GRID2: variants seen among roughly 807,000 people sequenced by gnomAD.
The protein encoded by GRID2 is glutamate receptor ionotropic, delta-2.
A neutral mutation model predicts 114.8 loss-of-function variants in GRID2; 33 were observed. The observed-to-expected ratio is 0.29, with a 90% CI of 0.22 to 0.38. GRID2 has a LOEUF of 0.38. Ranked by LOEUF, GRID2 falls within the 10% of genes least tolerant of loss-of-function variation. The probability of loss-of-function intolerance (pLI) is 1.00; values close to 1 mark genes in which losing one functional copy is unlikely to be tolerated. For synonymous variants in GRID2, 505 were observed against 449.9 expected, an observed-to-expected ratio of 1.12 and a Z score of -1.55; for missense variants, 1,184 against 1,257.7, an observed-to-expected ratio of 0.94 and a Z score of 0.89.
At chr4:92,983,615 A>T (rs539154479) in intron 2 of GRID2, among the ~76,000 whole-genome samples, 1 of 152,258 alleles carries the variant, frequency 6.6e-6, no homozygotes, top group Admixed American at 6.5e-5. Context: ...TTAGTCTCAT[A>T]AGCAAGAAGG....
chr4:92,812,589 C>G (rs1560606776), intron 2 of GRID2, among the ~76,000 whole-genome samples: 1 of 151,816 alleles, frequency 6.6e-6, no homozygotes, highest in East Asian at 1.9e-4. Context: ...GCATAATACC[C>G]CTGTTTTAAT....
intron 2 of GRID2, among the ~76,000 whole-genome samples, chr4:92,595,812 C>T (rs1560479211): frequency 6.6e-6 from 1 of 152,040 alleles, no homozygotes; most frequent in South Asian, 2.1e-4. Context: ...GGAAAAAGCA[C>T]ATCTCCAAAA....
intron 8 of GRID2, among the ~76,000 whole-genome samples, chr4:93,303,741 T>A (rs1456503745): frequency 8.6e-5 from 13 of 150,644 alleles, no homozygotes. Context: ...CAATCCATTC[T>A]ACCATCCATC....
At chr4:92,587,851 G>A (rs542386449) in intron 1 of GRID2, among the ~76,000 whole-genome samples, 2 of 152,252 alleles carry the variant, frequency 1.3e-5, no homozygotes, top group African/African-American at 2.4e-5. Context: ...CATCAAAAAT[G>A]TATTACCAAT....
chr4:92,374,659 G>C (rs1729273130), intron 1 of GRID2, among the ~76,000 whole-genome samples: 1 of 152,128 alleles, frequency 6.6e-6, no homozygotes, highest in Admixed American at 6.6e-5. Flanking sequence ...GGAATAATTT[G>C]ATGATTTTGA....
chr4:92,325,999 G>A (rs756065842), intron 1 of GRID2, among the ~76,000 whole-genome samples: 3 of 151,582 alleles, frequency 2.0e-5, no homozygotes, highest in Non-Finnish European at 4.4e-5. Context: ...CCATGTTTAT[G>A]TAAGATAATT....
chr4:93,012,444 C>CACCTGTACAACAGA (rs1722273214), intron 2 of GRID2, among the ~76,000 whole-genome samples: 1 of 152,006 alleles, frequency 6.6e-6, no homozygotes, highest in Admixed American at 6.6e-5. Flanking sequence ...TCTATGAAAA[C>CACCTGTACAACAGA]ACCTGTACAA....
intron 1 of GRID2, among the ~76,000 whole-genome samples, chr4:92,355,516 A>G (rs1184134930): frequency 2.0e-5 from 3 of 151,864 alleles, no homozygotes; most frequent in Non-Finnish European, 4.4e-5. Flanking sequence ...CTATGAAGAA[A>G]AAAAGGTCAT....
chr4:93,176,797 C>T (rs1739383545), intron 4 of GRID2, among the ~76,000 whole-genome samples: 1 of 152,118 alleles, frequency 6.6e-6, no homozygotes, highest in African/African-American at 2.4e-5. Flanking sequence ...CGTATTTTAC[C>T]TTTGCCTCTA....
At chr4:92,668,385 T>A (rs967955634) in intron 2 of GRID2, among the ~76,000 whole-genome samples, 10 of 151,794 alleles carry the variant, frequency 6.6e-5, no homozygotes. Context: ...TAAGCTACTA[T>A]ACACTGTGAT....
At chr4:92,340,757 A>T (rs1323726982) in intron 1 of GRID2, among the ~76,000 whole-genome samples, 1 of 152,162 alleles carries the variant, frequency 6.6e-6, no homozygotes, top group Non-Finnish European at 1.5e-5. Flanking sequence ...TTACTTATTC[A>T]CTACCATATT....
chr4:92,678,751 G>A (rs888348294), intron 2 of GRID2, among the ~76,000 whole-genome samples: 4 of 151,746 alleles, frequency 2.6e-5, no homozygotes, highest in South Asian at 2.1e-4. Context: ...TTTATGAAAC[G>A]TTTGCTATGT....
chr4:92,569,720 A>T lies in GRID2; in HGVS notation c.89-20411A>T, dbSNP rs115615473. ...TTTGATTTGTATTTCTCTAATAATC[A>T]GTGGGGTTGATCTTTTTTCATGTTT... On this transcript the variant is annotated intron_variant, in intron 1 of 15. Transcript: ENST00000282020. 2.9e-3 allele frequency among the ~76,000 whole-genome samples: 442 copies of T among 152,188 alleles called. 1 individual carries two copies. Among genetic ancestry groups the T allele is most frequent in the Middle Eastern group, 0.01 (3 of 294 alleles).
intron 2 of GRID2, among the ~76,000 whole-genome samples, chr4:93,062,437 A>G (rs1727889917): frequency 1.3e-5 from 2 of 152,112 alleles, no homozygotes; most frequent in African/African-American, 4.8e-5. Context: ...TCTCTTATAT[A>G]ATGTCTTTTC....
chr4:93,085,234 G>A lies in GRID2; in HGVS notation c.484G>A (p.Glu162Lys). The A allele has an allele frequency of 6.2e-7, 1 of 1,613,672 alleles. No individual in the cohort carries two copies. The highest frequency in any genetic ancestry group is 1.1e-5 in the South Asian group (1 of 91,072). The change falls in exon 3 of 16, where the codon GAG becomes AAG. Residue 162 changes from glutamate (E) to lysine (K), a missense_variant. By Grantham distance (56) the Glu-to-Lys change is moderately conservative. Around this residue, in one of 3 missense-constraint regions of GRID2, gnomAD observed 455 missense variants for 429.5 expected, o/e 1.06. Transcript: ENST00000282020. ...LHDVILRVVT[E>K]YAWQKFIIFY... is the part of the protein sequence containing the mutation. The stretch of plus-strand genomic sequence containing the variant: ...TGATGTTATCCTAAGAGTGGTCACA[G>A]AGTATGCCTGGCAGAAATTCATTAT...
chr4:93,586,366 C>T (rs1293459449), intron 13 of GRID2, among the ~76,000 whole-genome samples: 1 of 152,020 alleles, frequency 6.6e-6, no homozygotes, highest in East Asian at 1.9e-4. Context: ...ACCTACATTA[C>T]AGTAAGACCT....
intron 14 of GRID2, among the ~76,000 whole-genome samples, chr4:93,647,003 C>T (rs13152167): frequency 0.18 from 27,033 of 151,872 alleles, 2,761 homozygotes; most frequent in Middle Eastern, 0.35. Flanking sequence ...TAAGTTATAA[C>T]AGATGTATAA....
Position 93,783,848 on chromosome 4 carries a change from G to A in GRID2, c.221+14398G>A, listed in dbSNP as rs367545029. Among the ~76,000 whole-genome samples, 76 of 151,704 alleles carry A rather than the reference G, an allele frequency of 5.0e-4. 1 individual carries two copies. The East Asian group carries it at 0.012, about 25-fold the overall frequency. ...AGCACTTTGGGAGGCCGAGGTGGGC[G>A]GATCACGAGGTCAGGAGATCGAGAC... On this transcript the variant is annotated intron_variant, in intron 1 of 1. Transcript: ENST00000637838.
chr4:93,159,738 A>G (rs1737513537), intron 4 of GRID2, among the ~76,000 whole-genome samples: 1 of 141,032 alleles, frequency 7.1e-6, no homozygotes, highest in African/African-American at 2.6e-5. Context: ...ACTTCTAGAG[A>G]TTAAGTTCTT....
Sources: allele counts gnomAD v4.1 joint callset (sites outside exome capture counted in the v4.1 genomes callset), GRCh38; gene constraint gnomAD v4.1.1; regional missense constraint gnomAD v4.1.1; transcripts MANE v1.5; gene names NCBI Gene and HGNC (gene_info 2026-07-23, HGNC 2026-07-21).